KIF12: variants seen among roughly 807,000 people sequenced by gnomAD.
The protein encoded by KIF12 is kinesin-like protein KIF12.
Under a neutral mutation model 87.9 loss-of-function variants are expected in KIF12, and 80 were observed. That is an observed-to-expected ratio of 0.91 (90% CI 0.76 to 1.10). KIF12 has a LOEUF of 1.10. Ranked by LOEUF, KIF12 falls within the 50% of genes least tolerant of loss-of-function variation. KIF12 has a pLI of 0.00. For synonymous variants in KIF12, 353 were observed against 348.5 expected, an observed-to-expected ratio of 1.01 and a Z score of -0.14; for missense variants, 819 against 865.3, an observed-to-expected ratio of 0.95 and a Z score of 0.67.
intron 16 of KIF12, 157 bp from the exon 17 acceptor site, chr9:114,092,799 T>C (rs1847049153): frequency 2.1e-6 from 3 of 1,462,888 alleles, no homozygotes; most frequent in South Asian, 1.4e-5. Flanking sequence ...TCGCCTTCTG[T>C]GTGCAGCAGA....
chr9:114,096,364 C>T, intron 8 of KIF12, 23 bp downstream of exon 8: 1 of 1,608,872 alleles, frequency 6.2e-7, no homozygotes, highest in East Asian at 2.2e-5. Context: ...CGGGTAAGCA[C>T]CTTCCCAGGC....
rs956890060 is a variant in KIF12 at position 114,098,195 on chromosome 9, G to A, written c.300-5C>T. The A allele has an allele frequency of 1.9e-6, 3 of 1,543,414 alleles. No individual in the cohort carries two copies. The highest frequency in any genetic ancestry group is 2.5e-5 in the East Asian group (1 of 40,006). On this transcript the variant is annotated splice_polypyrimidine_tract_variant and splice_region_variant and intron_variant, in intron 4 of 18. Transcript: ENST00000640217. ...GTGAAAACAGTGCAGGAGAAACTGC[G>A]GGCGGCAAGGGCGTGGCTGGACTCC...
At chr9:114,092,250 A>G in intron 18 of KIF12, 83 bp downstream of exon 18, 1 of 1,486,618 alleles carries the variant, frequency 6.7e-7, no homozygotes, top group Non-Finnish European at 9.0e-7. Context: ...CATTTCAGAG[A>G]TAAGACTGAG....
chr9:114,098,573 G>C (rs1434228353), intron 3 of KIF12, 144 bp from the exon 4 acceptor site: 2 of 637,054 alleles, frequency 3.1e-6, no homozygotes, highest in African/African-American at 4.0e-5. Context: ...GAGAAGGGTA[G>C]GGCGCTCGGT....
intron 9 of KIF12, among the ~76,000 whole-genome samples, chr9:114,095,563 C>T (rs1199065127): frequency 1.3e-5 from 2 of 152,236 alleles, no homozygotes; most frequent in Non-Finnish European, 2.9e-5. Flanking sequence ...GTGCCTGGTA[C>T]TCAGGCACTC....
chr9:114,094,744 C>G (rs1043541239), intron 11 of KIF12, among the ~76,000 whole-genome samples: 5 of 152,150 alleles, frequency 3.3e-5, no homozygotes, highest in African/African-American at 1.2e-4. Context: ...CCACATTAGG[C>G]CCCACATCAA....
intron 5 of KIF12, 115 bp downstream of exon 5, chr9:114,098,000 G>T (rs1331557582): frequency 9.1e-7 from 1 of 1,100,386 alleles, no homozygotes; most frequent in Non-Finnish European, 1.3e-6. Flanking sequence ...AAACAAGCGG[G>T]TCAGGCGGCG....
chr9:114,093,262 C>T lies in KIF12; in HGVS notation c.1563G>A (p.Trp521Ter), dbSNP rs1326896549. 1 of 1,557,216 alleles carries T rather than the reference C, an allele frequency of 6.4e-7. No homozygotes were observed. The highest frequency in any genetic ancestry group is 8.7e-7 in the Non-Finnish European group (1 of 1,149,630). The part of the protein sequence containing the change: ...CPLCRVPLAH[W>*]ACLPGEHHLP... ...GGTGGTGCTCCCCTGGCAGGCAGGC[C>T]CAGTGGGCCAGGGGCACTCGACACA... Residue 521 changes from tryptophan (W) to a stop codon, truncating the protein, a stop_gained, in exon 16 of 19, where the codon TGG becomes TGA. Coordinates refer to ENST00000640217, the MANE Select transcript of KIF12 (RefSeq NM_001388308.1). LOFTEE classifies it high-confidence loss of function.
intron 11 of KIF12, 91 bp downstream of exon 11, chr9:114,094,932 A>G (rs1245964750): frequency 1.5e-5 from 18 of 1,166,756 alleles, no homozygotes; most frequent in Non-Finnish European, 2.0e-5. Flanking sequence ...ACCCAGTCCA[A>G]GACTTCAATC....
At chr9:114,097,582 C>A (rs1471765258) in intron 6 of KIF12, 25 bp downstream of exon 6, 2 of 1,613,176 alleles carry the variant, frequency 1.2e-6, no homozygotes, top group South Asian at 2.2e-5. Context: ...CATGGGCTGT[C>A]TTTCTATTCC....
Position 114,093,404 on chromosome 9 carries a change from C to T in KIF12, c.1491+3G>A. On this transcript the variant is annotated splice_donor_region_variant and intron_variant, in intron 15 of 18. Coordinates refer to ENST00000640217, the MANE Select transcript of KIF12 (RefSeq NM_001388308.1). ...CCCCTCCAGGCTGGGCCGTGAGACT[C>T]ACATGGCAAGGGGGAGCTGGGGCCA... 2 of 1,563,502 alleles carry T rather than the reference C, an allele frequency of 1.3e-6. No individual in the cohort carries two copies. The highest frequency in any genetic ancestry group is 2.4e-5 in the South Asian group (2 of 84,530).
intron 13 of KIF12, 55 bp downstream of exon 13, chr9:114,094,125 AG>A (rs1176383623): frequency 6.4e-7 from 1 of 1,553,208 alleles, no homozygotes; most frequent in African/African-American, 1.4e-5. Flanking sequence ...TGCCAGAAGC[AG>A]CCTAGCAGTG....
chr9:114,094,853 T>TG (rs1847145895), intron 11 of KIF12, among the ~76,000 whole-genome samples, 170 bp downstream of exon 11: 1 of 152,160 alleles, frequency 6.6e-6, no homozygotes, highest in Admixed American at 6.5e-5. Context: ...TGACCCTGGC[T>TG]GGGACCCTGA....
chr9:114,093,854 A>G (rs1047983098), intron 14 of KIF12, 32 bp downstream of exon 14: 18 of 1,584,014 alleles, frequency 1.1e-5, no homozygotes, highest in Non-Finnish European at 1.4e-5. Context: ...CTCTGTCCAG[A>G]GGCCTGGCTC....
intron 3 of KIF12, among the ~76,000 whole-genome samples, chr9:114,098,665 G>A (rs1483533124): frequency 5.0e-5 from 6 of 120,582 alleles, no homozygotes; most frequent in African/African-American, 1.9e-4. Context: ...GGGGAGGGTA[G>A]GACACCCTGG....
intron 8 of KIF12, 90 bp from the exon 9 acceptor site, chr9:114,096,297 C>G (rs918224378): frequency 1.3e-6 from 2 of 1,596,650 alleles, no homozygotes; most frequent in Non-Finnish European, 8.6e-7. Flanking sequence ...ATTATTAACC[C>G]CCATGCACAC....
intron 5 of KIF12, 58 bp downstream of exon 5, chr9:114,098,057 C>G (rs1847309947): frequency 1.3e-6 from 2 of 1,487,478 alleles, no homozygotes; most frequent in Non-Finnish European, 1.8e-6. Context: ...CTGCGGCTCC[C>G]CAGGGCTTCC....
Position 114,095,265 on chromosome 9 carries a change from C to T in KIF12, c.963G>A (p.Lys321=). 1.2e-6 allele frequency: 2 copies of T among 1,613,928 alleles called. No homozygotes were observed. The highest frequency in any genetic ancestry group is 1.7e-6 in the Non-Finnish European group (2 of 1,180,020). Residue 321 remains lysine, a synonymous_variant, in exon 10 of 19, where the codon AAG becomes AAA. Transcript: ENST00000640217. Reference sequence around the variant, plus strand: ...GTGAGTCTGCCAGCAACTTGGTGAGCTTGCTGTCCCGGAAAGGGATGTGGC... The same window carrying T: ...GTGAGTCTGCCAGCAACTTGGTGAGTTTGCTGTCCCGGAAAGGGATGTGGC... ...KQSHIPFRDS[K]LTKLLADSLG...
intron 6 of KIF12, 47 bp downstream of exon 6, chr9:114,097,560 G>C (rs374263054): frequency 6.2e-7 from 1 of 1,607,950 alleles, no homozygotes; most frequent in Non-Finnish European, 8.5e-7. Context: ...GGAAAGAAGC[G>C]CTCCGTTTCC....
Sources: allele counts gnomAD v4.1 joint callset (sites outside exome capture counted in the v4.1 genomes callset), GRCh38; gene constraint gnomAD v4.1.1; transcripts MANE v1.5; gene names NCBI Gene and HGNC (gene_info 2026-07-23, HGNC 2026-07-21).